KCNH3: variants seen among roughly 807,000 people sequenced by gnomAD.
The protein encoded by KCNH3 is potassium voltage-gated channel subfamily H member 3, also known as voltage-gated inwardly rectifying potassium channel KCNH3.
KCNH3 carries 36 observed loss-of-function variants against 95.6 expected under a neutral mutation model. The ratio of observed to expected loss-of-function variants is 0.38; its 90% CI spans 0.29 to 0.50. KCNH3 has a LOEUF of 0.50. Among genes scored for constraint, KCNH3 ranks in the 20% least tolerant of loss-of-function variants. KCNH3 has a pLI of 0.95. For synonymous variants in KCNH3, 620 were observed against 646.3 expected (o/e 0.96, Z 0.62); for missense variants, 1,030 against 1,484.1 (o/e 0.69, Z 5.03).
At chr12:49,556,316 C>T in intron 12 of KCNH3, 54 bp from the exon 13 acceptor site, 1 of 1,339,576 alleles carries the variant, frequency 7.5e-7, no homozygotes, top group South Asian at 1.2e-5. Context: ...TCCCGTATGA[C>T]CCCACAGTGG....
intron 7 of KCNH3, among the ~76,000 whole-genome samples, chr12:49,547,521 C>A (rs1367482702): frequency 6.6e-6 from 1 of 152,246 alleles, no homozygotes; most frequent in Admixed American, 6.5e-5. Flanking sequence ...TTCGAGCCCC[C>A]CTCCCTTCCT....
intron 10 of KCNH3, among the ~76,000 whole-genome samples, chr12:49,550,967 G>T (rs570737981): frequency 6.6e-6 from 1 of 152,248 alleles, no homozygotes; most frequent in Non-Finnish European, 1.5e-5. Flanking sequence ...GGCTCACAGC[G>T]TGACTAGCCC....
rs368027726 is a variant in KCNH3 at position 49,557,291 on chromosome 12, G to A, written c.2652+32G>A. On this transcript the variant is annotated intron_variant, in intron 14 of 14. Transcript: ENST00000257981. Reference sequence around the variant, plus strand: ...GAGGGGGAAGGTGGAGGTGAGGGGGGCACCAGGGGAAGGCACTCCATGGCT... The same window carrying A: ...GAGGGGGAAGGTGGAGGTGAGGGGGACACCAGGGGAAGGCACTCCATGGCT... 2.3e-4 allele frequency: 372 copies of A among 1,613,668 alleles called. 1 individual carries two copies. The highest frequency in any genetic ancestry group is 2.1e-4 in the Non-Finnish European group (251 of 1,179,868).
Position 49,548,889 on chromosome 12 carries a change from C to A in KCNH3, c.1190-6C>A, listed in dbSNP as rs538180796. On this transcript the variant is annotated splice_polypyrimidine_tract_variant and splice_region_variant and intron_variant, in intron 7 of 14. Coordinates refer to ENST00000257981, the MANE Select transcript of KCNH3 (RefSeq NM_012284.3). ...GCCTGCTCAGGCCCTGCTGTTCCCC[C>A]CTCAGGCTGGCTGCAGGAGCTGGCC... 1.3e-5 allele frequency: 20 copies of A among 1,561,078 alleles called. No individual in the cohort carries two copies. The highest frequency in any genetic ancestry group is 8.2e-5 in the African/African-American group (6 of 73,568).
chr12:49,543,699 T>G, intron 5 of KCNH3, 181 bp downstream of exon 5: 1 of 1,052,962 alleles, frequency 9.5e-7, no homozygotes, highest in African/African-American at 1.6e-5. Context: ...TATATGACCT[T>G]GAGCTGGTCA....
intron 3 of KCNH3, among the ~76,000 whole-genome samples, 162 bp downstream of exon 3, chr12:49,541,926 CG>C (rs1317353095): frequency 6.6e-6 from 1 of 152,182 alleles, no homozygotes; most frequent in Non-Finnish European, 1.5e-5. Flanking sequence ...CCACATTCCT[CG>C]GTATGGGAAT....
At chr12:49,550,479 A>T (rs1938223479) in intron 10 of KCNH3, 150 bp downstream of exon 10, 1 of 978,838 alleles carries the variant, frequency 1.0e-6, no homozygotes, top group South Asian at 1.7e-5. Context: ...GTCCTGGTCA[A>T]AGCTCAGAGA....
At chr12:49,555,446 CA>C (rs762389072) in intron 11 of KCNH3, among the ~76,000 whole-genome samples, 173 bp from the exon 12 acceptor site, 2,567 of 79,184 alleles carry the variant, frequency 0.032, 59 homozygotes, top group South Asian at 0.12. Flanking sequence ...GACTCTGTCT[CA>C]AAAAAAAAAA....
In KCNH3 at chr12:49,550,233, T is replaced by A; in HGVS notation, c.1822T>A (p.Tyr608Asn). Residue 608 changes from tyrosine (Y) to asparagine (N), a missense_variant, in exon 10 of 15, where the codon TAC becomes AAC. Around this residue, in one of 9 missense-constraint regions of KCNH3, gnomAD observed 160 missense variants for 316.2 expected, o/e 0.51. Transcript: ENST00000257981. The part of the protein sequence containing the change: ...LRPAFCTPGE[Y>N]LIHQGDALQA... ...GCCCGCCTTCTGCACGCCGGGCGAG[T>A]ACCTCATCCACCAAGGCGATGCCCT... 6.2e-7 allele frequency: 1 copy of A among 1,609,534 alleles called. No homozygotes were observed.
Position 49,555,883 on chromosome 12 carries a change from C to T in KCNH3, c.2400C>T (p.Pro800=). Residue 800 remains proline (P), a synonymous_variant, in exon 12 of 15, where the codon CCC becomes CCT. Coordinates refer to ENST00000257981, the MANE Select transcript of KCNH3 (RefSeq NM_012284.3). ...ALKAEAGPSA[P]PRALEGLRLP... ...AGGCTGAGGCTGGCCCCTCTGCTCC[C>T]CCACGGGCCCTAGAGGGGCTACGGC... 1 of 1,607,374 alleles carries T rather than the reference C, an allele frequency of 6.2e-7. No homozygotes were observed. The highest frequency in any genetic ancestry group is 8.5e-7 in the Non-Finnish European group (1 of 1,176,550).
At chr12:49,540,131 T>A (rs1304497771) in intron 1 of KCNH3, among the ~76,000 whole-genome samples, 2 of 152,072 alleles carry the variant, frequency 1.3e-5, no homozygotes, top group African/African-American at 4.8e-5. Context: ...TGAAAGCCCC[T>A]CCCTCCTCCT....
At chr12:49,551,081 G>A (rs1938240302) in intron 10 of KCNH3, among the ~76,000 whole-genome samples, 1 of 152,350 alleles carries the variant, frequency 6.6e-6, no homozygotes, top group South Asian at 2.1e-4. Context: ...TGAACAGCTA[G>A]GAATCGGCCA....
rs1256565854 is a variant in KCNH3 at position 49,550,346 on chromosome 12, G to C, written c.1918+17G>C. The C allele has an allele frequency of 1.3e-6, 2 of 1,589,242 alleles. No individual in the cohort carries two copies. On this transcript the variant is annotated intron_variant, in intron 10 of 14. Transcript: ENST00000257981. ...CCATCCTAGGTTTGTGAGGGTGGGA[G>C]AGAGGGCGTGGGGGCACGTGTGTGT...
Position 49,541,663 on chromosome 12 carries a change from C to T in KCNH3, c.344C>T (p.Pro115Leu). 1 of 1,614,144 alleles carries T rather than the reference C, an allele frequency of 6.2e-7. No individual in the cohort carries two copies. Among genetic ancestry groups the T allele is most frequent in the Non-Finnish European group, 8.5e-7 (1 of 1,180,012 alleles). ...TTCTGGTGTCTCCTGGATGTGATAC[C>T]CATAAAGAATGAGAAAGGGGAGGTG... ...LPFWCLLDVIPIKNEKGEVAL... is the reference protein window; with the variant it reads ...LPFWCLLDVILIKNEKGEVAL... Residue 115 changes from proline (P) to leucine (L), a missense_variant, in exon 3 of 15, where the codon CCC becomes CTC. Pro to Leu is a moderately conservative substitution (Grantham distance 98, BLOSUM62 -3). Around this residue, in one of 9 missense-constraint regions of KCNH3, gnomAD observed 63 missense variants for 107.7 expected, o/e 0.59. Coordinates refer to ENST00000257981, the MANE Select transcript of KCNH3 (RefSeq NM_012284.3).
rs748380609 is a variant in KCNH3 at position 49,557,498 on chromosome 12, G to C, written c.2797G>C (p.Gly933Arg). Residue 933 changes from glycine (G) to arginine (R), a missense_variant, in exon 15 of 15, where the codon GGG (glycine) becomes CGG (arginine). By Grantham distance (125) the Gly-to-Arg change is moderately radical (BLOSUM62 -2). Transcript: ENST00000257981. ...GGGGCCGTGCCCAGCCAGCACCTCC[G>C]GGCTTCTGCAGCCTCTGTGTGTGGA... ...GEGPCPASTS[G>R]LLQPLCVDTG... The C allele has an allele frequency of 1.0e-4, 161 of 1,611,480 alleles. 2 individuals carry two copies. In the South Asian group the frequency reaches 1.7e-3, roughly 17 times the overall value.
rs762426010 is a variant in KCNH3, at chr12:49,543,937, C to T, written c.846C>T (p.Thr282=). Residue 282 remains threonine, a synonymous_variant, in exon 6 of 15, where the codon ACC becomes ACT. Coordinates refer to ENST00000257981, the MANE Select transcript of KCNH3 (RefSeq NM_012284.3). ...CAGACATTGTGCTGAATTTCCGTAC[C>T]ACATTCGTGTCCAAGTCGGGCCAGG... ...FILDIVLNFR[T]TFVSKSGQVV... 5.0e-6 allele frequency: 8 copies of T among 1,611,012 alleles called. No individual in the cohort carries two copies. The South Asian group carries it at 7.7e-5, about 15-fold the overall frequency.
chr12:49,547,627 G>A (rs1193442108), intron 7 of KCNH3, among the ~76,000 whole-genome samples: 2 of 151,930 alleles, frequency 1.3e-5, no homozygotes, highest in African/African-American at 4.8e-5. Flanking sequence ...CCCAGCTCCT[G>A]GCACACAGTG....
Position 49,549,005 on chromosome 12 carries a change from G to C in KCNH3, c.1300G>C (p.Glu434Gln). ...GQSDNCSSSS[E>Q]ANGTGLELLG... Reference sequence around the variant, plus strand: ...GAGTGACAACTGCAGCAGCAGCAGCGAGGCCAACGGGACGGGGCTGGAGCT... The same window carrying C: ...GAGTGACAACTGCAGCAGCAGCAGCCAGGCCAACGGGACGGGGCTGGAGCT... The change falls in exon 8 of 15, where the codon GAG becomes CAG. Residue 434 changes from glutamate (E) to glutamine (Q), a missense_variant. By Grantham distance (29) the Glu-to-Gln change is conservative. Coordinates refer to ENST00000257981, the MANE Select transcript of KCNH3 (RefSeq NM_012284.3). 6.2e-7 allele frequency: 1 copy of C among 1,611,520 alleles called. No individual in the cohort carries two copies. The highest frequency in any genetic ancestry group is 1.7e-5 in the Admixed American group (1 of 59,934).
At chr12:49,550,043 T>TCC in intron 9 of KCNH3, 37 bp from the exon 10 acceptor site, 19 of 1,299,522 alleles carry the variant, frequency 1.5e-5, no homozygotes, top group East Asian at 5.0e-5. Flanking sequence ...CTTCTGCCAC[T>TCC]CCCAACCCCC....
Sources: gnomAD v4.1 joint callset for allele counts (sites outside exome capture counted in the v4.1 genomes callset) on GRCh38, gnomAD v4.1.1 for gene constraint, gnomAD v4.1.1 regional missense constraint, MANE v1.5 for transcripts, NCBI Gene and HGNC (gene_info 2026-07-23, HGNC 2026-07-21) for gene names.